Variants in PARP1 observed in about 807,000 individuals in gnomAD.
PARP1 encodes poly(ADP-ribose) polymerase 1.
Under a neutral mutation model 118.7 loss-of-function variants are expected in PARP1, and 44 were observed. The ratio of observed to expected loss-of-function variants is 0.37; its 90% confidence interval spans 0.29 to 0.48. The LOEUF (loss-of-function observed/expected upper bound fraction) is 0.48, where lower values mean the gene tolerates loss of function less well. Ranked by LOEUF, PARP1 falls within the 20% of genes least tolerant of loss-of-function variation. The probability of loss-of-function intolerance (pLI) is 0.99; values close to 1 mark genes in which losing one functional copy is unlikely to be tolerated. For synonymous variants in PARP1, 492 were observed against 483.2 expected (o/e 1.02, Z -0.24); for missense variants, 1,100 against 1,272.4 (o/e 0.86, Z 2.06).
Position 226,372,991 on chromosome 1 carries a change from C to A in PARP1, c.2070+1235G>T, listed in dbSNP as rs150101191. Among the ~76,000 whole-genome samples the A allele has an allele frequency of 2.7e-3, 413 of 152,318 alleles. 2 individuals carry two copies. The highest frequency in any genetic ancestry group is 9.2e-3 in the African/African-American group (383 of 41,558). On this transcript the variant is annotated intron_variant, in intron 14 of 22. Coordinates refer to ENST00000366794, the MANE Select transcript of PARP1 (RefSeq NM_001618.4). ...TTTCAACAAGCACAGCGAACAAGCCCTGGCCATTTTTTAAACCCGTTAGAG... is the reference window on the plus strand; with the variant it reads ...TTTCAACAAGCACAGCGAACAAGCCATGGCCATTTTTTAAACCCGTTAGAG...
intron 7 of PARP1, among the ~76,000 whole-genome samples, chr1:226,383,994 T>G (rs1664670162): frequency 6.6e-6 from 1 of 152,214 alleles, no homozygotes; most frequent in Non-Finnish European, 1.5e-5. Context: ...TCAGAAAGTA[T>G]CTCATTCGTG....
chr1:226,371,294 G>C (rs1238210604), intron 14 of PARP1, among the ~76,000 whole-genome samples: 1 of 152,186 alleles, frequency 6.6e-6, no homozygotes, highest in Non-Finnish European at 1.5e-5. Flanking sequence ...CTGGGGCTTT[G>C]CCAATAGACC....
At chr1:226,373,585 C>T (rs1664435525) in intron 14 of PARP1, among the ~76,000 whole-genome samples, 1 of 152,220 alleles carries the variant, frequency 6.6e-6, no homozygotes, top group Non-Finnish European at 1.5e-5. Context: ...TGCCTGCAGT[C>T]TCTGCCATTC....
chr1:226,374,317 C>T lies in PARP1; in HGVS notation c.1979G>A (p.Gly660Asp), dbSNP rs2102732364. Residue 660 changes from glycine to aspartate, a missense_variant, in exon 14 of 23, where the codon GGC (glycine) becomes GAC (aspartate). Coordinates refer to ENST00000366794, the MANE Select transcript of PARP1 (RefSeq NM_001618.4). The part of the protein sequence containing the change: ...EAVKKLTVNP[G>D]TKSKLPKPVQ... ...TGGCTTGGGGAGCTTGGACTTGGTGCCAGGATTTACTGTCAGCTTCTTCAC... is the reference window on the plus strand; with the variant it reads ...TGGCTTGGGGAGCTTGGACTTGGTGTCAGGATTTACTGTCAGCTTCTTCAC... 1 of 1,614,144 alleles carries T rather than the reference C, an allele frequency of 6.2e-7. No homozygotes were observed. The highest frequency in any genetic ancestry group is 8.5e-7 in the Non-Finnish European group (1 of 1,180,006).
chr1:226,372,326 CT>C (rs1184147432), intron 14 of PARP1, among the ~76,000 whole-genome samples: 1 of 152,244 alleles, frequency 6.6e-6, no homozygotes, highest in African/African-American at 2.4e-5. Context: ...AGCAGCGCCC[CT>C]GTCCCTTTTC....
chr1:226,402,522 G>A (rs970446507), intron 1 of PARP1, 143 bp from the exon 2 acceptor site: 24 of 795,786 alleles, frequency 3.0e-5, no homozygotes, highest in Middle Eastern at 2.5e-4. Flanking sequence ...ATCTGTGAAA[G>A]GAGGACAGCC....
chr1:226,370,150 C>A (rs1664350095), intron 15 of PARP1, among the ~76,000 whole-genome samples: 1 of 152,130 alleles, frequency 6.6e-6, no homozygotes, highest in South Asian at 2.1e-4. Context: ...GGGATGACTT[C>A]ACTTTTAACA....
chr1:226,404,519 G>A (rs1295318019), intron 1 of PARP1, among the ~76,000 whole-genome samples: 1 of 152,218 alleles, frequency 6.6e-6, no homozygotes, highest in Non-Finnish European at 1.5e-5. Flanking sequence ...CAGACCTGCT[G>A]CCCTTTGGTC....
At chr1:226,389,515 T>C (rs1018025537) in intron 4 of PARP1, among the ~76,000 whole-genome samples, 1 of 152,150 alleles carries the variant, frequency 6.6e-6, no homozygotes, top group Non-Finnish European at 1.5e-5. Flanking sequence ...ACAGTCCAAA[T>C]ACAGGGCTTC....
At chr1:226,383,538 C>T (rs865847143) in intron 7 of PARP1, among the ~76,000 whole-genome samples, 1 of 152,220 alleles carries the variant, frequency 6.6e-6, no homozygotes, top group African/African-American at 2.4e-5. Flanking sequence ...TCCTGAGTTG[C>T]TCCCTTCGAG....
chr1:226,389,181 A>ACC (rs1664777845), intron 4 of PARP1, among the ~76,000 whole-genome samples: 1 of 152,198 alleles, frequency 6.6e-6, no homozygotes, highest in Non-Finnish European at 1.5e-5. Context: ...AAGACAAAGC[A>ACC]CAAGTCCAGG....
intron 20 of PARP1, among the ~76,000 whole-genome samples, chr1:226,363,622 C>A (rs554918196): frequency 9.8e-5 from 15 of 152,292 alleles, no homozygotes; most frequent in Non-Finnish European, 1.6e-4. Flanking sequence ...AACTGAAACA[C>A]TGGTGAGTGG....
rs368030938 is a variant in PARP1, at chr1:226,367,582, C to T, written c.2304G>A (p.Leu768=). The T allele has an allele frequency of 8.7e-6, 14 of 1,614,040 alleles. No homozygotes were observed. In the African/African-American group the frequency reaches 1.7e-4, roughly 20 times the overall value. The stretch of plus-strand genomic sequence containing the variant: ...GACTGTAGGCCACCTCGATGTCCAG[C>T]AGGTTGTCAAGCATTTCCACCTTGG... The part of the protein sequence containing the change: ...VQAKVEMLDN[L]LDIEVAYSLL... Residue 768 remains leucine, a synonymous_variant, in exon 17 of 23, where the codon CTG becomes CTA. Coordinates refer to ENST00000366794, the MANE Select transcript of PARP1 (RefSeq NM_001618.4).
chr1:226,404,418 G>A (rs1388166729), intron 1 of PARP1, among the ~76,000 whole-genome samples: 3 of 152,144 alleles, frequency 2.0e-5, no homozygotes. Context: ...TCTACCCCTT[G>A]TCTACCCTTC....
rs879111663 is a variant in PARP1 at position 226,402,466 on chromosome 1, G to T, written c.121-87C>A. The T allele has an allele frequency of 8.5e-6, 11 of 1,292,338 alleles. No individual in the cohort carries two copies. The South Asian group carries it at 1.3e-4, about 15-fold the overall frequency. 80.1% of individuals were successfully genotyped at this position (1,292,338 alleles called of 1,614,324 possible). Reference sequence around the variant, plus strand: ...GACCTTGACCTTGACCTCGACCCCAGTCCCAGCCCCAGCAGTGGGATAGCA... The same window carrying T: ...GACCTTGACCTTGACCTCGACCCCATTCCCAGCCCCAGCAGTGGGATAGCA... On this transcript the variant is annotated intron_variant, in intron 1 of 22. Coordinates refer to ENST00000366794, the MANE Select transcript of PARP1 (RefSeq NM_001618.4).
intron 13 of PARP1, among the ~76,000 whole-genome samples, chr1:226,376,461 T>C (rs996527189): frequency 5.3e-5 from 8 of 152,164 alleles, no homozygotes; most frequent in Non-Finnish European, 1.0e-4. Flanking sequence ...TATAATTCTG[T>C]CATGACAGAC....
chr1:226,396,815 C>T (rs1664932970), intron 2 of PARP1, among the ~76,000 whole-genome samples: 1 of 152,076 alleles, frequency 6.6e-6, no homozygotes, highest in East Asian at 1.9e-4. Flanking sequence ...CACCTGTAAT[C>T]CCAGCAACCC....
chr1:226,393,309 T>A (rs1664854201), intron 2 of PARP1, among the ~76,000 whole-genome samples: 1 of 152,166 alleles, frequency 6.6e-6, no homozygotes, highest in Non-Finnish European at 1.5e-5. Context: ...GCTGTAAGAC[T>A]TTGCTGAAAT....
chr1:226,370,697 T>TTCA, intron 14 of PARP1, 180 bp from the exon 15 acceptor site: 1 of 659,576 alleles, frequency 1.5e-6, no homozygotes, highest in South Asian at 1.6e-5. Flanking sequence ...CCATGAGGGA[T>TTCA]GGCAGTGTGT....
Sources: allele counts gnomAD v4.1 joint callset (sites outside exome capture counted in the v4.1 genomes callset), GRCh38; gene constraint gnomAD v4.1.1; transcripts MANE v1.5; gene names NCBI Gene and HGNC (gene_info 2026-07-23, HGNC 2026-07-21).